The following DNMT3A variants were observed in gnomAD, a reference collection of about 807,000 sequenced individuals.
DNMT3A encodes the protein DNA methyltransferase 3 alpha.
DNMT3A carries 267 observed loss-of-function variants against 117.6 expected under a neutral mutation model. The ratio of observed to expected loss-of-function variants is 2.27; its 90% CI spans 2.05 to 2.51. The LOEUF (loss-of-function observed/expected upper bound fraction) is 2.51. DNMT3A is among the 30% of genes most tolerant of loss of function. The probability of loss-of-function intolerance (pLI) is 0.00; values close to 1 mark genes in which losing one functional copy is unlikely to be tolerated. For missense variants in DNMT3A, 1,029 were observed against 1,260.2 expected, an observed-to-expected ratio of 0.82 and a Z score of 2.78; for synonymous variants, 432 against 474.8, an observed-to-expected ratio of 0.91 and a Z score of 1.17.
chr2:25,314,872 G>A (rs184747002), intron 1 of DNMT3A, among the ~76,000 whole-genome samples: 16 of 152,308 alleles, frequency 1.1e-4, no homozygotes, highest in Admixed American at 3.3e-4. Flanking sequence ...GAACCCACAC[G>A]GCTGAGTTTA....
At chr2:25,251,734 G>A (rs1239242417) in intron 6 of DNMT3A, among the ~76,000 whole-genome samples, 1 of 152,220 alleles carries the variant, frequency 6.6e-6, no homozygotes, top group Non-Finnish European at 1.5e-5. Flanking sequence ...ACTCGCAGGA[G>A]AGGAAGCTGT....
In DNMT3A at chr2:25,327,715, G is replaced by C. The variant is rs534997456; in HGVS notation, c.-177-13554C>G. Reference sequence around the variant, plus strand: ...ACGCCTCCTACTGCCAGGGGCTCCAGCTCTATTTATTTTCATCCCAACTGG... The same window carrying C: ...ACGCCTCCTACTGCCAGGGGCTCCACCTCTATTTATTTTCATCCCAACTGG... On this transcript the variant is annotated intron_variant, in intron 1 of 22. Coordinates refer to ENST00000321117, the MANE Select transcript of DNMT3A (RefSeq NM_022552.5). The surrounding 1 kb of genome is among the most constrained non-coding windows in gnomAD (Gnocchi z 4.1). Among the ~76,000 whole-genome samples, 31 of 152,306 alleles carry C rather than the reference G, an allele frequency of 2.0e-4. No individual in the cohort carries two copies. Among genetic ancestry groups the C allele is most frequent in the African/African-American group, 7.5e-4 (31 of 41,562 alleles).
Position 25,296,345 on chromosome 2 carries a change from G to T in DNMT3A, c.177+3794C>A, listed in dbSNP as rs1024561889. On this transcript the variant is annotated intron_variant, in intron 3 of 22. Transcript: ENST00000321117. This position sits in a 1 kb window ranked among gnomAD's most constrained non-coding sequence, Gnocchi z 4.2. The stretch of plus-strand genomic sequence containing the variant: ...AAGGCAGGCTGTGGAACTGTGTAAG[G>T]GGCGGGCAGGAGGAATGGCTGGCTA... 1.3e-5 allele frequency among the ~76,000 whole-genome samples: 2 copies of T among 152,174 alleles called. No homozygotes were observed. The highest frequency in any genetic ancestry group is 4.8e-5 in the African/African-American group (2 of 41,422).
At chr2:25,300,602 T>G (rs1325149326) in intron 2 of DNMT3A, among the ~76,000 whole-genome samples, 1 of 8,886 alleles carries the variant, frequency 1.1e-4, no homozygotes. Context: ...CCCATATATA[T>G]ATCTAAATAA....
chr2:25,262,957 ATTTG>A (rs1242610121), intron 6 of DNMT3A, among the ~76,000 whole-genome samples: 2 of 151,542 alleles, frequency 1.3e-5, no homozygotes, highest in Non-Finnish European at 1.5e-5. Flanking sequence ...ACACTTTTTT[ATTTG>A]TTTGTTTATA....
intron 1 of DNMT3A, among the ~76,000 whole-genome samples, chr2:25,329,673 C>CCCCA (rs979701968): frequency 1.4e-5 from 2 of 138,394 alleles, no homozygotes; most frequent in African/African-American, 6.2e-5. Context: ...CATGCAGACC[C>CCCCA]CACACACACA....
chr2:25,313,955 C>A lies in DNMT3A; in HGVS notation c.30G>T (p.Gly10=). 6.5e-7 allele frequency: 1 copy of A among 1,549,458 alleles called. No homozygotes were observed. The change falls in exon 2 of 23, where the codon GGG becomes GGT. Residue 10 remains glycine, a synonymous_variant. Transcript: ENST00000321117. Reference sequence around the variant, plus strand: ...GCTCCGCAGCAGAGCTGCTGGTGTCCCCGGGGCCGCTGGAGGGCATGGCGG... The same window carrying A: ...GCTCCGCAGCAGAGCTGCTGGTGTCACCGGGGCCGCTGGAGGGCATGGCGG... MPAMPSSGP[G]DTSSSAAERE... is the part of the protein sequence containing the mutation.
chr2:25,312,272 C>T (rs1156635261), intron 2 of DNMT3A, among the ~76,000 whole-genome samples: 1 of 152,218 alleles, frequency 6.6e-6, no homozygotes, highest in African/African-American at 2.4e-5. Flanking sequence ...GGTCTTCATG[C>T]TGCTTGAGTC....
Position 25,282,524 on chromosome 2 carries a change from G to T in DNMT3A, c.365C>A (p.Ala122Asp). 1.2e-6 allele frequency: 2 copies of T among 1,613,434 alleles called. No individual in the cohort carries two copies. The highest frequency in any genetic ancestry group is 4.5e-5 in the East Asian group (2 of 44,874). Residue 122 changes from alanine to aspartate, a missense_variant, in exon 4 of 23, where the codon GCT (alanine) becomes GAT (aspartate). Ala to Asp is a moderately radical substitution (Grantham distance 126). Transcript: ENST00000321117. This position sits in a 1 kb window ranked among gnomAD's most constrained non-coding sequence, Gnocchi z 5.2. ...TCTTGAGGCTTCAGGCAGGGTCTCAGCTGCACCCTCTCCCTCTGCTGGGGC... is the reference window on the plus strand; with the variant it reads ...TCTTGAGGCTTCAGGCAGGGTCTCATCTGCACCCTCTCCCTCTGCTGGGGC... ...GGAPAEGEGA[A>D]ETLPEASRAV... is the part of the protein sequence containing the mutation.
chr2:25,300,275 A>G (rs762324485), intron 2 of DNMT3A, 32 bp from the exon 3 acceptor site: 1 of 1,598,702 alleles, frequency 6.3e-7, no homozygotes, highest in Non-Finnish European at 8.5e-7. Context: ...GTGAGGCCAG[A>G]GGTGGATCCC....
Position 25,248,036 on chromosome 2 carries a change from C to A in DNMT3A, c.855+1G>T, listed in dbSNP as rs772041639. Reference sequence around the variant, plus strand: ...CCACGGCTGGTGAAGAAGCCGCTCACCTCGTACTCTGGCTCGTCATCGCCT... The same window carrying A: ...CCACGGCTGGTGAAGAAGCCGCTCAACTCGTACTCTGGCTCGTCATCGCCT... On this transcript the variant is annotated splice_donor_variant, in intron 7 of 22. Transcript: ENST00000321117. LOFTEE classifies it high-confidence loss of function. The A allele has an allele frequency of 1.9e-6, 3 of 1,611,774 alleles. No individual in the cohort carries two copies. Among genetic ancestry groups the A allele is most frequent in the African/African-American group, 1.3e-5 (1 of 74,838 alleles).
In DNMT3A at chr2:25,281,359, A is replaced by C. The variant is rs759220766; in HGVS notation, c.448+1082T>G. 11 of 869,298 alleles carry C rather than the reference A, an allele frequency of 1.3e-5. No individual in the cohort carries two copies. The highest frequency in any genetic ancestry group is 1.5e-5 in the Non-Finnish European group (11 of 714,588). 53.8% of individuals were successfully genotyped at this position (869,298 alleles called of 1,614,324 possible). On this transcript the variant is annotated intron_variant, in intron 4 of 22. Transcript: ENST00000321117. The surrounding 1 kb of genome is among the most constrained non-coding windows in gnomAD (Gnocchi z 4.8). Reference sequence around the variant, plus strand: ...AATAAGATTGTTAGAGGAGTAAATAAAACAACTAATACAGATTCCCTCTGT... The same window carrying C: ...AATAAGATTGTTAGAGGAGTAAATACAACAACTAATACAGATTCCCTCTGT...
rs560795033 is a variant in DNMT3A at position 25,230,919 on chromosome 2, C to T, written c.*3360G>A. ...TAAGGGCTCCTCTGTGCCCAGCACT[C>T]CCTCCTCGAGCAAGCCGGCCCACAG... is the stretch of plus-strand genomic sequence containing the variant. On this transcript the variant is annotated 3_prime_UTR_variant, in exon 23 of 23. Transcript: ENST00000321117. 6.6e-6 allele frequency: 1 copy of T among 152,330 alleles called. No homozygotes were observed. The highest frequency in any genetic ancestry group is 2.1e-4 in the South Asian group (1 of 4,820). The allele number at this position is 152,330 out of a possible 1,614,324, so 9.4% of individuals were successfully genotyped here.
rs753861541 is a variant in DNMT3A at position 25,247,108 on chromosome 2, G to A, written c.1065C>T (p.His355=). 6.2e-7 allele frequency: 1 copy of A among 1,614,132 alleles called. No individual in the cohort carries two copies. Among genetic ancestry groups the A allele is most frequent in the South Asian group, 1.1e-5 (1 of 91,074 alleles). The change falls in exon 9 of 23, where the codon CAC becomes CAT. Residue 355 remains histidine (H), a synonymous_variant. Transcript: ENST00000321117. This position sits in a 1 kb window ranked among gnomAD's most constrained non-coding sequence, Gnocchi z 5.6. ...MPLSSFCSAF[H]QATYNKQPMY... The stretch of plus-strand genomic sequence containing the variant: ...TGGGCTGCTTGTTGTACGTGGCCTG[G>A]TGGAACGCACTGCAAAACGAGCTCA...
chr2:25,243,833 C>A, intron 16 of DNMT3A, 65 bp downstream of exon 16: 2 of 1,520,420 alleles, frequency 1.3e-6, no homozygotes, highest in South Asian at 2.4e-5. Flanking sequence ...CCAGAGTTGC[C>A]CACACACCTG....
chr2:25,316,650 T>C (rs1314618594), intron 1 of DNMT3A, among the ~76,000 whole-genome samples: 3 of 151,982 alleles, frequency 2.0e-5, no homozygotes, highest in African/African-American at 4.8e-5. Context: ...CCATGGGGAG[T>C]GGGCTCTCCT....
chr2:25,239,039 G>A (rs948617924), intron 20 of DNMT3A, 91 bp downstream of exon 20: 5 of 1,131,760 alleles, frequency 4.4e-6, no homozygotes, highest in Admixed American at 2.3e-5. Flanking sequence ...AGGCCGGCCA[G>A]AGAGGGCCCG....
intron 4 of DNMT3A, among the ~76,000 whole-genome samples, chr2:25,278,489 C>A (rs1401231221): frequency 6.6e-6 from 1 of 152,200 alleles, no homozygotes; most frequent in Non-Finnish European, 1.5e-5. Context: ...GTAATTTAAC[C>A]TTTCTGAAGC....
At chr2:25,328,643 G>A (rs1193536121) in intron 1 of DNMT3A, 1 of 520,248 alleles carries the variant, frequency 1.9e-6, no homozygotes, top group Admixed American at 2.0e-5. Flanking sequence ...AGGCAGAGAG[G>A]ACTGTGTGAA....
Sources: allele counts gnomAD v4.1 joint callset (sites outside exome capture counted in the v4.1 genomes callset), GRCh38; gene constraint gnomAD v4.1.1; non-coding constraint Gnocchi (gnomAD v3.1); transcripts MANE v1.5; gene names NCBI Gene and HGNC (gene_info 2026-07-23, HGNC 2026-07-21).